Variants in CACNA2D1 observed in about 807,000 individuals in gnomAD.
CACNA2D1 encodes voltage-dependent calcium channel subunit alpha-2/delta-1.
In CACNA2D1, 53 loss-of-function variants were observed where a neutral mutation model predicts 171.5. The ratio of observed to expected loss-of-function variants is 0.31; its 90% CI spans 0.25 to 0.39. The LOEUF (loss-of-function observed/expected upper bound fraction) is 0.39, where lower values mean the gene tolerates loss of function less well. Ranked by LOEUF, CACNA2D1 falls within the 10% of genes least tolerant of loss-of-function variation. The probability of loss-of-function intolerance (pLI) is 1.00; values close to 1 mark genes in which losing one functional copy is unlikely to be tolerated. For missense variants in CACNA2D1, 903 were observed against 1,299.8 expected (o/e 0.69, Z 4.69); for synonymous variants, 442 against 443.1 (o/e 1.00, Z 0.03).
chr7:82,132,876 G>A (rs756537283), intron 5 of CACNA2D1, among the ~76,000 whole-genome samples: 51 of 152,254 alleles, frequency 3.3e-4, no homozygotes, highest in Admixed American at 1.2e-3. Context: ...AAAGCACTCT[G>A]AGCTTGTCCA....
In CACNA2D1 at chr7:81,948,239, A is replaced by G. The variant is rs1792196383; in HGVS notation, c.*2153T>C. 7 of 152,038 alleles carry G rather than the reference A, an allele frequency of 4.6e-5. No individual in the cohort carries two copies. In the South Asian group the frequency reaches 1.4e-3, roughly 31 times the overall value. 9.4% of individuals were successfully genotyped at this position (152,038 alleles called of 1,614,324 possible). A position where few individuals can be genotyped will look rare whatever the true frequency, so the allele number is the denominator to read the frequency against. Reference sequence around the variant, plus strand: ...AAGATAGTCTAGCAAAAATTGAACAATAACTTTTAAATATTTAACAAACAA... The same window carrying G: ...AAGATAGTCTAGCAAAAATTGAACAGTAACTTTTAAATATTTAACAAACAA... On this transcript the variant is annotated 3_prime_UTR_variant, in exon 39 of 39. Coordinates refer to ENST00000356860, the MANE Select transcript of CACNA2D1 (RefSeq NM_000722.4).
chr7:82,149,785 A>AAAG (rs1342523443), intron 4 of CACNA2D1, among the ~76,000 whole-genome samples: 1 of 144,848 alleles, frequency 6.9e-6, no homozygotes, highest in African/African-American at 2.5e-5. Flanking sequence ...AAAAAAAACA[A>AAAG]ACAAACAACA....
intron 1 of CACNA2D1, among the ~76,000 whole-genome samples, chr7:82,393,356 T>C (rs1386786357): frequency 6.6e-6 from 1 of 152,108 alleles, no homozygotes; most frequent in African/African-American, 2.4e-5. Context: ...GAATATATGA[T>C]CCATGCTGGA....
intron 2 of CACNA2D1, among the ~76,000 whole-genome samples, chr7:82,348,192 A>G (rs980638488): frequency 6.6e-6 from 1 of 152,098 alleles, no homozygotes; most frequent in Non-Finnish European, 1.5e-5. Flanking sequence ...TTTAAATAGT[A>G]TCTAAATGAA....
At chr7:82,244,583 A>T (rs964617281) in intron 3 of CACNA2D1, among the ~76,000 whole-genome samples, 9 of 152,256 alleles carry the variant, frequency 5.9e-5, no homozygotes, top group Non-Finnish European at 1.0e-4. Flanking sequence ...TCATGACCTG[A>T]CGTCTTAACA....
At chr7:82,389,616 T>A (rs779114060) in intron 1 of CACNA2D1, among the ~76,000 whole-genome samples, 1 of 152,162 alleles carries the variant, frequency 6.6e-6, no homozygotes, top group Non-Finnish European at 1.5e-5. Context: ...CCCACTTAGC[T>A]GATGTACAGA....
chr7:82,142,275 A>G (rs1215719598), intron 4 of CACNA2D1, among the ~76,000 whole-genome samples: 2 of 152,248 alleles, frequency 1.3e-5, no homozygotes, highest in Non-Finnish European at 2.9e-5. Flanking sequence ...CCATGCTAAT[A>G]TAATACTGCT....
chr7:82,035,652 T>G (rs2131179499), intron 11 of CACNA2D1, among the ~76,000 whole-genome samples: 1 of 152,216 alleles, frequency 6.6e-6, no homozygotes, highest in African/African-American at 2.4e-5. Context: ...AATTGTACTT[T>G]ACACTTGAAA....
chr7:82,171,539 T>C (rs890771439), intron 3 of CACNA2D1, among the ~76,000 whole-genome samples: 2 of 151,998 alleles, frequency 1.3e-5, no homozygotes, highest in African/African-American at 4.8e-5. Context: ...CTCATGTGAG[T>C]AATGTGAAAG....
chr7:82,194,188 C>T (rs765761046), intron 3 of CACNA2D1, among the ~76,000 whole-genome samples: 1 of 151,974 alleles, frequency 6.6e-6, no homozygotes, highest in Non-Finnish European at 1.5e-5. Flanking sequence ...ATCATTCTCC[C>T]ATCAGCTGCT....
intron 24 of CACNA2D1, among the ~76,000 whole-genome samples, chr7:81,980,829 A>G (rs1796370137): frequency 1.3e-5 from 2 of 152,128 alleles, no homozygotes; most frequent in African/African-American, 4.8e-5. Context: ...AGAGAAAGGA[A>G]GCAGAGAAGG....
intron 4 of CACNA2D1, among the ~76,000 whole-genome samples, chr7:82,139,147 A>T (rs1469985090): frequency 2.0e-5 from 3 of 152,194 alleles, no homozygotes; most frequent in African/African-American, 7.2e-5. Flanking sequence ...CTTTTGGTAA[A>T]ATAATGGATA....
At chr7:82,177,633 A>G (rs1360197838) in intron 3 of CACNA2D1, among the ~76,000 whole-genome samples, 1 of 152,114 alleles carries the variant, frequency 6.6e-6, no homozygotes, top group East Asian at 1.9e-4. Flanking sequence ...AATGTTATAC[A>G]TCAATTGCAT....
chr7:82,065,342 G>T lies in CACNA2D1; in HGVS notation c.729-988C>A, dbSNP rs1807478280. 4.6e-5 allele frequency among the ~76,000 whole-genome samples: 7 copies of T among 152,100 alleles called. No individual in the cohort carries two copies. The South Asian group carries it at 1.5e-3, about 32-fold the overall frequency. On this transcript the variant is annotated intron_variant, in intron 8 of 38. Transcript: ENST00000356860. Reference sequence around the variant, plus strand: ...CCTGGCTGATGCCTAGTATCTTAATGCTGGTCCAGGTATGCCACTCAGTGG... The same window carrying T: ...CCTGGCTGATGCCTAGTATCTTAATTCTGGTCCAGGTATGCCACTCAGTGG...
At chr7:82,322,451 C>CAA (rs11440104) in intron 3 of CACNA2D1, among the ~76,000 whole-genome samples, 12,762 of 103,800 alleles carry the variant, frequency 0.12, 962 homozygotes, top group South Asian at 0.27. Context: ...CCTGGCTTTA[C>CAA]AAAAAAAAAA....
chr7:81,988,001 G>C (rs1797148445), intron 21 of CACNA2D1, among the ~76,000 whole-genome samples: 1 of 152,132 alleles, frequency 6.6e-6, no homozygotes, highest in Non-Finnish European at 1.5e-5. Flanking sequence ...ATTATCACTG[G>C]GTGCATGCGG....
At chr7:82,233,135 C>CT (rs1286298530) in intron 3 of CACNA2D1, among the ~76,000 whole-genome samples, 1 of 151,974 alleles carries the variant, frequency 6.6e-6, no homozygotes. Context: ...AGAAGAATCA[C>CT]TTCATAAAAC....
At chr7:82,236,012 T>C (rs978919013) in intron 3 of CACNA2D1, among the ~76,000 whole-genome samples, 2 of 152,088 alleles carry the variant, frequency 1.3e-5, no homozygotes, top group Non-Finnish European at 2.9e-5. Flanking sequence ...ATACATAAAT[T>C]AAGCCTATTA....
chr7:82,249,782 A>G (rs1013305387), intron 3 of CACNA2D1, among the ~76,000 whole-genome samples: 3 of 152,214 alleles, frequency 2.0e-5, no homozygotes, highest in African/African-American at 4.8e-5. Context: ...TCCTGAACCA[A>G]TCAGAACCTA....
Sources: gnomAD v4.1 joint callset for allele counts (sites outside exome capture counted in the v4.1 genomes callset) on GRCh38, gnomAD v4.1.1 for gene constraint, MANE v1.5 for transcripts, NCBI Gene and HGNC (gene_info 2026-07-23, HGNC 2026-07-21) for gene names.